NID1: variants seen among roughly 807,000 people sequenced by gnomAD.
The protein encoded by NID1 is nidogen-1.
Under a neutral mutation model 130.6 loss-of-function variants are expected in NID1, and 76 were observed. The ratio of observed to expected loss-of-function variants is 0.58; its 90% CI spans 0.48 to 0.70. The LOEUF is 0.70. NID1 is among the 30% of genes least tolerant of loss of function. The pLI, the probability that NID1 is intolerant of heterozygous loss-of-function variation, is 0.00. For synonymous variants in NID1, 665 were observed against 675.1 expected (o/e 0.98, Z 0.23); for missense variants, 1,517 against 1,664.8 (o/e 0.91, Z 1.54).
At chr1:236,064,000 G>T (rs936370966) in intron 1 of NID1, among the ~76,000 whole-genome samples, 35 of 152,166 alleles carry the variant, frequency 2.3e-4, no homozygotes, top group Admixed American at 1.9e-3. Flanking sequence ...GCCATTTCAC[G>T]GGCAGGACAG....
chr1:236,060,621 C>T (rs1660012391), intron 1 of NID1: 1 of 152,178 alleles, frequency 6.6e-6, no homozygotes, highest in African/African-American at 2.4e-5. Context: ...AGTTACCCCT[C>T]TCTTCTGCAG....
At chr1:235,988,947 T>C (rs1228944481) in intron 14 of NID1, among the ~76,000 whole-genome samples, 2 of 152,104 alleles carry the variant, frequency 1.3e-5, no homozygotes, top group Non-Finnish European at 2.9e-5. Context: ...ATGGAGGTGA[T>C]AGTTGCATAA....
In NID1 at chr1:236,013,540, T is replaced by G. The variant is rs1194278180; in HGVS notation, c.2275A>C (p.Ile759Leu). 3 of 1,614,096 alleles carry G rather than the reference T, an allele frequency of 1.9e-6. No individual in the cohort carries two copies. Among genetic ancestry groups the G allele is most frequent in the Admixed American group, 1.7e-5 (1 of 60,016 alleles). The change falls in exon 11 of 20, where the codon ATC becomes CTC. Residue 759 changes from isoleucine to leucine, a missense_variant. By Grantham distance (5) the Ile-to-Leu change is conservative (BLOSUM62 2). Around this residue, in one of 3 missense-constraint regions of NID1, gnomAD observed 1,329 missense variants for 1,429.2 expected, o/e 0.93. Transcript: ENST00000264187. Reference protein sequence around the residue: ...TCVAVVDQRPINYCETGLHNC... With the variant: ...TCVAVVDQRPLNYCETGLHNC... ...TGAAGGCCAGTTTCACAGTAGTTGA[T>G]GGGGCGCTGGTCCACGACAGCTTCA...
chr1:236,038,170 C>A lies in NID1; in HGVS notation c.1219G>T (p.Ala407Ser), dbSNP rs765670423. The A allele has an allele frequency of 6.2e-7, 1 of 1,611,956 alleles. No individual in the cohort carries two copies. The change falls in exon 5 of 20, where the codon GCC becomes TCC. Residue 407 changes from alanine (A) to serine (S), a missense_variant. By Grantham distance (99) the Ala-to-Ser change is moderately conservative (BLOSUM62 1). Around this residue, in one of 3 missense-constraint regions of NID1, gnomAD observed 1,329 missense variants for 1,429.2 expected, o/e 0.93. Coordinates refer to ENST00000264187, the MANE Select transcript of NID1 (RefSeq NM_002508.3). ...CSVHAECRDY[A>S]TGFCCSCVAG... The stretch of plus-strand genomic sequence containing the variant: ...ACACAGCTGCAGCAGAAGCCCGTGG[C>A]GTAGTCCCTGCACTCTGCGTGCACC...
At chr1:236,034,980 T>C (rs914997773) in intron 5 of NID1, among the ~76,000 whole-genome samples, 23 of 113,864 alleles carry the variant, frequency 2.0e-4, no homozygotes, top group Middle Eastern at 3.8e-3. Flanking sequence ...TTTCTTTTTT[T>C]TTTCTTTCTT....
chr1:235,993,902 G>A, intron 12 of NID1, 30 bp from the exon 13 acceptor site: 1 of 1,588,064 alleles, frequency 6.3e-7, no homozygotes, highest in Non-Finnish European at 8.6e-7. Context: ...CAAGAAAGCT[G>A]TCAGGTGCGT....
intron 1 of NID1, among the ~76,000 whole-genome samples, chr1:236,053,169 G>T (rs73116905): frequency 0.042 from 6,338 of 152,088 alleles, 427 homozygotes; most frequent in African/African-American, 0.14. Context: ...ATAATATCTT[G>T]GTTGTTTTTA....
At chr1:236,059,509 A>G (rs1659984129) in intron 1 of NID1, among the ~76,000 whole-genome samples, 1 of 152,184 alleles carries the variant, frequency 6.6e-6, no homozygotes, top group South Asian at 2.1e-4. Context: ...TTCATTCTTC[A>G]TTTGAGAAAA....
intron 8 of NID1, among the ~76,000 whole-genome samples, 155 bp from the exon 9 acceptor site, chr1:236,024,368 G>A (rs900662156): frequency 6.6e-6 from 1 of 152,250 alleles, no homozygotes; most frequent in Non-Finnish European, 1.5e-5. Context: ...GTTGCCCTGG[G>A]GCAGGACCAG....
rs111334625 is a variant in NID1 at position 235,989,312 on chromosome 1, TCTCCC to T, written c.2928+1569_2928+1573del. On this transcript the variant is annotated intron_variant, in intron 14 of 19. Coordinates refer to ENST00000264187, the MANE Select transcript of NID1 (RefSeq NM_002508.3). Reference sequence around the variant, plus strand: ...TTATTGCCTCACATGACATTTAGCCTCTCCCCTTGGTCTTGGGAAAGAATGTCTTT... The same window carrying T: ...TTATTGCCTCACATGACATTTAGCCTCTTGGTCTTGGGAAAGAATGTCTTT... Among the ~76,000 whole-genome samples the T allele has an allele frequency of 1.9e-3, 294 of 152,218 alleles. 4 individuals are homozygous for T. Among genetic ancestry groups the T allele is most frequent in the African/African-American group, 6.7e-3 (280 of 41,542 alleles).
chr1:235,996,845 T>A (rs1441732057), intron 12 of NID1, among the ~76,000 whole-genome samples: 2 of 152,028 alleles, frequency 1.3e-5, no homozygotes, highest in Admixed American at 6.6e-5. Flanking sequence ...CCTGTGCTTT[T>A]TTTTCTGAGA....
At chr1:236,043,564 T>C (rs2385054) in intron 3 of NID1, among the ~76,000 whole-genome samples, 79,071 of 151,854 alleles carry the variant, frequency 0.52, 21,767 homozygotes, top group African/African-American at 0.7. Flanking sequence ...TTTGGGGGGC[T>C]GAGGAGGGCA....
At chr1:235,998,359 C>A (rs1454937892) in intron 12 of NID1, among the ~76,000 whole-genome samples, 1 of 152,148 alleles carries the variant, frequency 6.6e-6, no homozygotes, top group African/African-American at 2.4e-5. Context: ...AACAAAGATA[C>A]AAGCAAGCCA....
intron 5 of NID1, among the ~76,000 whole-genome samples, chr1:236,033,215 G>C (rs1331180984): frequency 6.6e-6 from 1 of 152,184 alleles, no homozygotes; most frequent in African/African-American, 2.4e-5. Flanking sequence ...GGCTGAGGTG[G>C]GATAATCGCT....
Position 236,064,955 on chromosome 1 carries a change from C to G in NID1, c.125G>C (p.Gly42Ala), listed in dbSNP as rs1426273885. ...ATCCCCGTCCTCCAGCTCCAGGTCC[C>G]CCTGTCCGGGGCCGAAGGGAAAGAG... The part of the protein sequence containing the change: ...QELFPFGPGQ[G>A]DLELEDGDDF... Residue 42 changes from glycine to alanine, a missense_variant, in exon 1 of 20, where the codon GGG (glycine) becomes GCG (alanine). Physicochemically the swap from Gly to Ala is moderately conservative, Grantham distance 60. Around this residue, in one of 3 missense-constraint regions of NID1, gnomAD observed 1,329 missense variants for 1,429.2 expected, o/e 0.93. Coordinates refer to ENST00000264187, the MANE Select transcript of NID1 (RefSeq NM_002508.3). 1 of 1,603,890 alleles carries G rather than the reference C, an allele frequency of 6.2e-7. No individual in the cohort carries two copies. Among genetic ancestry groups the G allele is most frequent in the Admixed American group, 1.7e-5 (1 of 58,862 alleles).
At chr1:236,012,825 T>C (rs1339526380) in intron 11 of NID1, among the ~76,000 whole-genome samples, 3 of 152,210 alleles carry the variant, frequency 2.0e-5, no homozygotes, top group African/African-American at 7.2e-5. Context: ...CTCTATGGTA[T>C]AATATTAAGT....
chr1:236,042,293 C>G lies in NID1; in HGVS notation c.753-1G>C, dbSNP rs1166816103. ...ACCCTGCTGCCCAGAGTTACTACTC[C>G]TAGGAGGAAGGACAGGCTTCTTAGA... is the stretch of plus-strand genomic sequence containing the variant. On this transcript the variant is annotated splice_acceptor_variant, in intron 3 of 19. Transcript: ENST00000264187. LOFTEE classifies it high-confidence loss of function. 1 of 1,599,164 alleles carries G rather than the reference C, an allele frequency of 6.3e-7. No individual in the cohort carries two copies. Among genetic ancestry groups the G allele is most frequent in the Non-Finnish European group, 8.5e-7 (1 of 1,178,194 alleles).
intron 3 of NID1, among the ~76,000 whole-genome samples, chr1:236,042,911 C>T (rs1349323042): frequency 6.6e-6 from 1 of 152,198 alleles, no homozygotes; most frequent in Admixed American, 6.5e-5. Flanking sequence ...CAGCTTTCCC[C>T]ACTGCCTCCA....
At chr1:236,037,266 A>C (rs1205334462) in intron 5 of NID1, among the ~76,000 whole-genome samples, 2 of 152,238 alleles carry the variant, frequency 1.3e-5, no homozygotes, top group Admixed American at 6.5e-5. Flanking sequence ...GCACCAGGAA[A>C]GAGAGACAGG....
Sources: allele counts gnomAD v4.1 joint callset (sites outside exome capture counted in the v4.1 genomes callset), GRCh38; gene constraint gnomAD v4.1.1; regional missense constraint gnomAD v4.1.1; transcripts MANE v1.5; gene names NCBI Gene and HGNC (gene_info 2026-07-23, HGNC 2026-07-21).